Variants in TENM3 observed in about 807,000 individuals in gnomAD.
TENM3 encodes teneurin transmembrane protein 3.
A neutral mutation model predicts 255.1 loss-of-function variants in TENM3; 63 were observed. That is an observed-to-expected ratio of 0.25 (90% CI 0.20 to 0.30). The LOEUF (loss-of-function observed/expected upper bound fraction) is 0.30. Among genes scored for constraint, TENM3 ranks in the 10% least tolerant of loss-of-function variants. TENM3 has a pLI of 1.00. For synonymous variants in TENM3, 1,306 were observed against 1,322.3 expected, an observed-to-expected ratio of 0.99 and a Z score of 0.27; for missense variants, 2,929 against 3,461.1, an observed-to-expected ratio of 0.85 and a Z score of 3.86.
the TENM3 span, among the ~76,000 whole-genome samples, chr4:181,498,665 C>T: frequency 6.6e-6 from 1 of 152,154 alleles, no homozygotes; most frequent in Non-Finnish European, 1.5e-5. Flanking sequence ...AGAACCACAC[C>T]TCATACAGAT....
At chr4:182,340,180 G>C (rs940317615) in intron 2 of TENM3, among the ~76,000 whole-genome samples, 2 of 152,132 alleles carry the variant, frequency 1.3e-5, no homozygotes, top group Non-Finnish European at 2.9e-5. Flanking sequence ...TGGCTTTTCA[G>C]CTTGCAGATA....
intron 1 of TENM3, among the ~76,000 whole-genome samples, chr4:182,159,767 G>C (rs911081230): frequency 6.6e-6 from 1 of 152,230 alleles, no homozygotes; most frequent in Admixed American, 6.5e-5. Context: ...TGTCTTATCC[G>C]GGAGCAGCGA....
chr4:182,799,746 G>C lies in TENM3; in HGVS notation c.7495G>C (p.Gly2499Arg). Reference protein sequence around the residue: ...FATVKSLIGKGVMLAVSQGRV... With the variant: ...FATVKSLIGKRVMLAVSQGRV... ...CACGGTCAAGTCGCTGATCGGCAAG[G>C]GCGTCATGCTGGCCGTCAGCCAGGG... The change falls in exon 28 of 28, where the codon GGC becomes CGC. Residue 2499 changes from glycine to arginine, a missense_variant. Around this residue, in one of 6 missense-constraint regions of TENM3, gnomAD observed 476 missense variants for 480.1 expected, o/e 0.99. Coordinates refer to ENST00000511685, the MANE Select transcript of TENM3 (RefSeq NM_001080477.4). The surrounding 1 kb of genome is among the most constrained non-coding windows in gnomAD (Gnocchi z 4.2). The C allele has an allele frequency of 1.3e-6, 2 of 1,565,008 alleles. No individual in the cohort carries two copies. Among genetic ancestry groups the C allele is most frequent in the Non-Finnish European group, 1.7e-6 (2 of 1,156,068 alleles).
At chr4:181,710,886 AAAG>A in the TENM3 span, among the ~76,000 whole-genome samples, 1 of 150,578 alleles carries the variant, frequency 6.6e-6, no homozygotes, top group Admixed American at 6.6e-5. Context: ...AAAAGGAAAA[AAAG>A]AAAAAAAAAA....
At chr4:182,070,460 A>G in the TENM3 span, among the ~76,000 whole-genome samples, 1 of 152,178 alleles carries the variant, frequency 6.6e-6, no homozygotes, top group South Asian at 2.1e-4. Flanking sequence ...TTTACTAAAA[A>G]TACAAAATTA....
chr4:182,350,478 T>C (rs2168682), intron 3 of TENM3, among the ~76,000 whole-genome samples: 24,697 of 152,226 alleles, frequency 0.16, 2,285 homozygotes, highest in East Asian at 0.35. Flanking sequence ...CATTGATTGT[T>C]GTGGTGGTGT....
chr4:182,404,049 A>G (rs1027819605), intron 3 of TENM3, among the ~76,000 whole-genome samples: 1 of 152,206 alleles, frequency 6.6e-6, no homozygotes, highest in Non-Finnish European at 1.5e-5. Context: ...AATTGGTAAT[A>G]AGAACTTGGG....
chr4:182,060,616 G>A, the TENM3 span, among the ~76,000 whole-genome samples: 4 of 152,092 alleles, frequency 2.6e-5, no homozygotes, highest in South Asian at 2.1e-4. Context: ...GAAGACCCCC[G>A]GTCTATGGGT....
chr4:182,685,053 AC>A (rs1756470056), intron 11 of TENM3, among the ~76,000 whole-genome samples: 1 of 152,168 alleles, frequency 6.6e-6, no homozygotes, highest in Non-Finnish European at 1.5e-5. Flanking sequence ...GGAAGCCCAG[AC>A]TAACAAATGT....
chr4:182,015,126 C>T, the TENM3 span, among the ~76,000 whole-genome samples: 1 of 152,198 alleles, frequency 6.6e-6, no homozygotes, highest in African/African-American at 2.4e-5. Flanking sequence ...CTTCTTTCTA[C>T]TTTGTCAATA....
chr4:181,758,544 A>G, the TENM3 span, among the ~76,000 whole-genome samples: 2 of 152,318 alleles, frequency 1.3e-5, no homozygotes, highest in East Asian at 1.9e-4. Context: ...GGTTTTCCGA[A>G]GGGCTTACGC....
the TENM3 span, among the ~76,000 whole-genome samples, chr4:181,584,414 T>C: frequency 6.6e-6 from 1 of 152,214 alleles, no homozygotes; most frequent in South Asian, 2.1e-4. Flanking sequence ...CCAAGCTTCT[T>C]CTGTATTCCT....
chr4:182,070,156 G>A, the TENM3 span, among the ~76,000 whole-genome samples: 1 of 152,318 alleles, frequency 6.6e-6, no homozygotes, highest in East Asian at 1.9e-4. Flanking sequence ...GGTGGGGGAA[G>A]GCCATAGCTG....
chr4:182,029,847 A>T, the TENM3 span, among the ~76,000 whole-genome samples: 1 of 151,370 alleles, frequency 6.6e-6, no homozygotes, highest in African/African-American at 2.5e-5. Context: ...AGATATAAGT[A>T]GTAGAAAATT....
the TENM3 span, among the ~76,000 whole-genome samples, chr4:181,456,727 C>A: frequency 6.6e-6 from 1 of 151,802 alleles, no homozygotes; most frequent in South Asian, 2.1e-4. Context: ...ATGTGTAAAA[C>A]AGATTATTAA....
At position 182,801,276 on chromosome 4, in the gene TENM3, A is replaced by G. The variant is rs1403765280; in HGVS notation, c.*925A>G. On this transcript the variant is annotated 3_prime_UTR_variant, in exon 28 of 28. Transcript: ENST00000511685. ...TTGTATTAGGTTGAAAAAATGTGCA[A>G]GCTTCTATCACTAGATGGATAGGAC... 1 of 152,518 alleles carries G rather than the reference A, an allele frequency of 6.6e-6. No individual in the cohort carries two copies. Among genetic ancestry groups the G allele is most frequent in the African/African-American group, 2.4e-5 (1 of 41,424 alleles). The allele number at this position is 152,518 out of a possible 1,614,324, so 9.4% of individuals were successfully genotyped here.
the TENM3 span, among the ~76,000 whole-genome samples, chr4:181,776,267 T>C: frequency 6.6e-6 from 1 of 152,152 alleles, no homozygotes; most frequent in East Asian, 1.9e-4. Context: ...TTCTGTTTTA[T>C]GGCTGAATAG....
At chr4:181,712,506 C>G in the TENM3 span, among the ~76,000 whole-genome samples, 1 of 152,188 alleles carries the variant, frequency 6.6e-6, no homozygotes, top group East Asian at 1.9e-4. Context: ...CAGTATCATG[C>G]TTCCTGTACA....
intron 1 of TENM3, among the ~76,000 whole-genome samples, chr4:182,285,519 G>A (rs960074400): frequency 6.6e-6 from 1 of 152,110 alleles, no homozygotes. Context: ...CTGGGTAGAC[G>A]AAACCATTTT....
Sources: gnomAD v4.1 joint callset for allele counts (sites outside exome capture counted in the v4.1 genomes callset) on GRCh38, gnomAD v4.1.1 for gene constraint, gnomAD v4.1.1 regional missense constraint, Gnocchi (gnomAD v3.1) non-coding constraint, MANE v1.5 for transcripts, NCBI Gene and HGNC (gene_info 2026-07-23, HGNC 2026-07-21) for gene names.